Variants in IQSEC1 observed in about 807,000 individuals in gnomAD.
The protein encoded by IQSEC1 is IQ motif and Sec7 domain ArfGEF 1, also known as IQ motif and SEC7 domain-containing protein 1.
A neutral mutation model predicts 91.0 loss-of-function variants in IQSEC1; 31 were observed. The observed-to-expected ratio is 0.34, with a 90% confidence interval of 0.26 to 0.46. IQSEC1 has a LOEUF of 0.46. IQSEC1 is among the 20% of genes least tolerant of loss of function. The pLI is 1.00. For missense variants in IQSEC1, 1,388 were observed against 1,575.6 expected, an observed-to-expected ratio of 0.88 and a Z score of 2.02; for synonymous variants, 699 against 662.6, an observed-to-expected ratio of 1.05 and a Z score of -0.84.
intron 1 of IQSEC1, among the ~76,000 whole-genome samples, chr3:13,280,883 C>T (rs1456040382): frequency 6.6e-6 from 1 of 152,244 alleles, no homozygotes; most frequent in African/African-American, 2.4e-5. Context: ...AAGGGGAAGC[C>T]AGGTGGACAC....
At chr3:13,158,658 T>C (rs1037416762) in intron 2 of IQSEC1, among the ~76,000 whole-genome samples, 6 of 152,134 alleles carry the variant, frequency 3.9e-5, no homozygotes, top group African/African-American at 1.2e-4. Flanking sequence ...GCGACCTACA[T>C]GGGACCACCT....
Position 12,900,683 on chromosome 3 carries a change from G to C in IQSEC1, c.*300C>G. On this transcript the variant is annotated 3_prime_UTR_variant, in exon 14 of 14. Coordinates refer to ENST00000613206, the MANE Select transcript of IQSEC1 (RefSeq NM_001134382.3). ...ACAGGGAGCTGAGAGCTGGAGTGGG[G>C]GAGGCAGTTCAACACTACTTGGCTG... 1 of 1,329,584 alleles carries C rather than the reference G, an allele frequency of 7.5e-7. No homozygotes were observed. Among genetic ancestry groups the C allele is most frequent in the Non-Finnish European group, 9.6e-7 (1 of 1,038,104 alleles). 82.4% of individuals were successfully genotyped at this position (1,329,584 alleles called of 1,614,324 possible).
chr3:13,254,890 C>T (rs1483556223), intron 1 of IQSEC1, among the ~76,000 whole-genome samples: 5 of 152,200 alleles, frequency 3.3e-5, no homozygotes, highest in African/African-American at 1.2e-4. Flanking sequence ...ACCTGCGACC[C>T]GGGGCCTCCA....
Position 12,900,032 on chromosome 3 carries a change from A to G in IQSEC1, c.*951T>C. The stretch of plus-strand genomic sequence containing the variant: ...AAAGTGTCTAAGAATCCGTGTAACC[A>G]ATGTCCTAAGACAACCAGCTTGTAA... On this transcript the variant is annotated 3_prime_UTR_variant, in exon 14 of 14. Transcript: ENST00000613206. The G allele has an allele frequency of 1.0e-6, 1 of 985,380 alleles. No individual in the cohort carries two copies. Among genetic ancestry groups the G allele is most frequent in the Non-Finnish European group, 1.2e-6 (1 of 829,928 alleles). The allele number at this position is 985,380 out of a possible 1,614,324, so 61.0% of individuals were successfully genotyped here. A position where few individuals can be genotyped will look rare whatever the true frequency, so the allele number is the denominator to read the frequency against.
At chr3:13,136,987 A>C (rs1706722471) in intron 2 of IQSEC1, among the ~76,000 whole-genome samples, 2 of 152,052 alleles carry the variant, frequency 1.3e-5, no homozygotes, top group Admixed American at 1.3e-4. Flanking sequence ...AAAATGAAAA[A>C]TCAGCTGGAC....
intron 1 of IQSEC1, among the ~76,000 whole-genome samples, chr3:12,963,719 A>G (rs1309135507): frequency 2.0e-5 from 3 of 152,238 alleles, no homozygotes; most frequent in Non-Finnish European, 2.9e-5. Context: ...GTGATCCCCA[A>G]GTCCTGTGCT....
chr3:13,262,497 A>ACGGAGTT (rs972755754), intron 1 of IQSEC1, among the ~76,000 whole-genome samples: 13 of 152,120 alleles, frequency 8.5e-5, no homozygotes, highest in Non-Finnish European at 1.9e-4. Flanking sequence ...TTACGCTAGG[A>ACGGAGTT]CGGAGTTCGT....
At position 13,024,153 on chromosome 3, in the gene IQSEC1, T is replaced by C. The variant is rs549035507; in HGVS notation, c.23+48839A>G. On this transcript the variant is annotated intron_variant, in intron 1 of 13. Coordinates refer to ENST00000613206, the MANE Select transcript of IQSEC1 (RefSeq NM_001134382.3). ...GTAGGGGAAGTTTTCACAATGTCTTTTGTGGGTGGAAGTAGCCTCTGCTTA... is the reference window on the plus strand; with the variant it reads ...GTAGGGGAAGTTTTCACAATGTCTTCTGTGGGTGGAAGTAGCCTCTGCTTA... Among the ~76,000 whole-genome samples, 185 of 152,360 alleles carry C rather than the reference T, an allele frequency of 1.2e-3. 1 individual carries two copies. Among genetic ancestry groups the C allele is most frequent in the Middle Eastern group, 6.8e-3 (2 of 294 alleles).
intron 1 of IQSEC1, among the ~76,000 whole-genome samples, chr3:13,217,259 A>G (rs548466826): frequency 1.3e-5 from 2 of 152,306 alleles, no homozygotes; most frequent in Non-Finnish European, 2.9e-5. Flanking sequence ...ATGCATTTAC[A>G]TCCAATGCAT....
intron 2 of IQSEC1, among the ~76,000 whole-genome samples, chr3:13,098,918 T>C (rs1240141856): frequency 6.6e-6 from 1 of 152,238 alleles, no homozygotes; most frequent in Non-Finnish European, 1.5e-5. Flanking sequence ...CACGGAATGA[T>C]ACACTTTAAA....
chr3:12,919,335 C>G (rs1696397607), intron 6 of IQSEC1, among the ~76,000 whole-genome samples: 1 of 152,204 alleles, frequency 6.6e-6, no homozygotes. Flanking sequence ...CACGCCCCAG[C>G]CTGCTCAGCG....
chr3:12,915,674 G>C lies in IQSEC1; in HGVS notation c.2080C>G (p.Arg694Gly). 6.2e-7 allele frequency: 1 copy of C among 1,614,154 alleles called. No homozygotes were observed. Among genetic ancestry groups the C allele is most frequent in the Non-Finnish European group, 8.5e-7 (1 of 1,180,020 alleles). The change falls in exon 7 of 14, where the codon CGT (arginine) becomes GGT (glycine). Residue 694 changes from arginine to glycine, a missense_variant. This residue lies in a region of IQSEC1 where 1,059 missense variants were observed against 1,317.8 expected (regional missense o/e 0.80). Transcript: ENST00000613206. ...TCATTGGTCTTTAGCTCTCGCTTAC[G>C]GATCCGTTCATAGATCCCCATCAGC... ...EMLMGIYERIRKRELKTNEDH... is the reference protein window; with the variant it reads ...EMLMGIYERIGKRELKTNEDH...
chr3:12,981,452 T>G (rs1701453160), intron 1 of IQSEC1, among the ~76,000 whole-genome samples: 1 of 152,024 alleles, frequency 6.6e-6, no homozygotes, highest in Non-Finnish European at 1.5e-5. Flanking sequence ...ACACGAGACA[T>G]CTCTGGGGGG....
chr3:12,932,244 G>A (rs1697744349), intron 3 of IQSEC1, among the ~76,000 whole-genome samples: 1 of 152,194 alleles, frequency 6.6e-6, no homozygotes, highest in South Asian at 2.1e-4. Context: ...TCCATGTGCT[G>A]CAGGGCTGCA....
At chr3:12,998,232 C>A (rs1702292825) in intron 1 of IQSEC1, among the ~76,000 whole-genome samples, 1 of 152,110 alleles carries the variant, frequency 6.6e-6, no homozygotes, top group Non-Finnish European at 1.5e-5. Flanking sequence ...TGCCTGTAAT[C>A]CTAGCTACTT....
rs1319694156 is a variant in IQSEC1 at position 12,901,278 on chromosome 3, T to G, written c.3050A>C (p.Glu1017Ala). 2 of 1,546,702 alleles carry G rather than the reference T, an allele frequency of 1.3e-6. No homozygotes were observed. Among genetic ancestry groups the G allele is most frequent in the Non-Finnish European group, 1.7e-6 (2 of 1,146,150 alleles). Residue 1017 changes from glutamate (E) to alanine (A), a missense_variant, in exon 14 of 14, where the codon GAG (glutamate) becomes GCG (alanine). Glu to Ala is a moderately radical substitution (Grantham distance 107). Coordinates refer to ENST00000613206, the MANE Select transcript of IQSEC1 (RefSeq NM_001134382.3). ...GTGCATGGCGGCCTGCGGCAGCCCC[T>G]CTGGGGGCCCCAGGTGGTGGCCAGC... ...SVAGHHLGPP[E>A]GLPQAAMHGH...
At chr3:13,166,706 G>T (rs537621951) in intron 1 of IQSEC1, among the ~76,000 whole-genome samples, 3 of 152,358 alleles carry the variant, frequency 2.0e-5, no homozygotes, top group Admixed American at 6.5e-5. Context: ...GTGCTGACCT[G>T]TGGGGGCCTG....
chr3:12,985,497 C>G (rs1345010791), intron 1 of IQSEC1, among the ~76,000 whole-genome samples: 1 of 152,122 alleles, frequency 6.6e-6, no homozygotes, highest in South Asian at 2.1e-4. Context: ...CAATCCCCCC[C>G]CCCCCGCCAA....
At chr3:13,164,718 A>T (rs961119608) in intron 1 of IQSEC1, among the ~76,000 whole-genome samples, 1 of 152,214 alleles carries the variant, frequency 6.6e-6, no homozygotes, top group African/African-American at 2.4e-5. Flanking sequence ...GACTGTGACT[A>T]CGCGGTATTG....
Sources: gnomAD v4.1 joint callset for allele counts (sites outside exome capture counted in the v4.1 genomes callset) on GRCh38, gnomAD v4.1.1 for gene constraint, gnomAD v4.1.1 regional missense constraint, MANE v1.5 for transcripts, NCBI Gene and HGNC (gene_info 2026-07-23, HGNC 2026-07-21) for gene names.